KREMEN1: variants seen among roughly 807,000 people sequenced by gnomAD.
The protein encoded by KREMEN1 is kringle containing transmembrane protein 1.
KREMEN1 carries 30 observed loss-of-function variants against 46.5 expected under a neutral mutation model. The observed-to-expected ratio is 0.65, with a 90% CI of 0.48 to 0.88. KREMEN1 has a LOEUF of 0.88. Ranked by LOEUF, KREMEN1 falls within the 40% of genes least tolerant of loss-of-function variation. The pLI is 0.00. For synonymous variants in KREMEN1, 214 were observed against 230.6 expected (o/e 0.93, Z 0.65); for missense variants, 533 against 596.9 (o/e 0.89, Z 1.11).
intron 9 of KREMEN1, among the ~76,000 whole-genome samples, chr22:29,163,256 G>C (rs904688593): frequency 4.6e-5 from 7 of 152,172 alleles, no homozygotes; most frequent in African/African-American, 1.4e-4. Flanking sequence ...GGAGGTGTCT[G>C]CTTCTCCTTT....
intron 6 of KREMEN1, among the ~76,000 whole-genome samples, chr22:29,137,875 G>C (rs1377102602): frequency 6.6e-6 from 1 of 152,240 alleles, no homozygotes; most frequent in Non-Finnish European, 1.5e-5. Flanking sequence ...AGACAGAAAA[G>C]AGGTGAAAAC....
intron 1 of KREMEN1, among the ~76,000 whole-genome samples, chr22:29,080,948 T>C (rs899619334): frequency 6.6e-6 from 1 of 150,658 alleles, no homozygotes; most frequent in Non-Finnish European, 1.5e-5. Context: ...GTCCTTTTTT[T>C]TTTTTTTTTT....
chr22:29,149,537 C>G (rs2038899648), downstream of KREMEN1, among the ~76,000 whole-genome samples: 1 of 152,188 alleles, frequency 6.6e-6, no homozygotes, highest in South Asian at 2.1e-4. Context: ...CCTAGAGGCT[C>G]TTTCCTTCCA....
At chr22:29,109,944 GA>G (rs954288207) in intron 3 of KREMEN1, among the ~76,000 whole-genome samples, 1 of 151,058 alleles carries the variant, frequency 6.6e-6, no homozygotes, top group Non-Finnish European at 1.5e-5. Context: ...TGGTGTCCCT[GA>G]AAAAAAAAGT....
At chr22:29,116,419 G>A (rs2038240785) in intron 3 of KREMEN1, among the ~76,000 whole-genome samples, 1 of 152,192 alleles carries the variant, frequency 6.6e-6, no homozygotes, top group Non-Finnish European at 1.5e-5. Context: ...TTAGGCCACT[G>A]ATGTTCAAAT....
chr22:29,140,369 G>T lies in KREMEN1; in HGVS notation c.1208+3G>T, dbSNP rs772891214. 59 of 1,607,244 alleles carry T rather than the reference G, an allele frequency of 3.7e-5. No individual in the cohort carries two copies. The highest frequency in any genetic ancestry group is 4.9e-5 in the Non-Finnish European group (58 of 1,173,894). On this transcript the variant is annotated splice_donor_region_variant and intron_variant, in intron 8 of 8. Transcript: ENST00000400335. ...ATACTTCTGCACGTCACATTCAAGTGAGTACAAGAGGGAGCTGCCCAATTC... is the reference window on the plus strand; with the variant it reads ...ATACTTCTGCACGTCACATTCAAGTTAGTACAAGAGGGAGCTGCCCAATTC...
At chr22:29,135,758 G>A (rs1846506464) in intron 5 of KREMEN1, among the ~76,000 whole-genome samples, 2 of 152,116 alleles carry the variant, frequency 1.3e-5, no homozygotes, top group Non-Finnish European at 2.9e-5. Context: ...TTACTTCTCT[G>A]GCGGTCACCT....
chr22:29,098,935 G>A lies in KREMEN1; in HGVS notation c.334G>A (p.Glu112Lys), dbSNP rs2037929086. 1 of 1,613,046 alleles carries A rather than the reference G, an allele frequency of 6.2e-7. No individual in the cohort carries two copies. Among genetic ancestry groups the A allele is most frequent in the Non-Finnish European group, 8.5e-7 (1 of 1,179,074 alleles). The change falls in exon 3 of 9, where the codon GAG (glutamate) becomes AAG (lysine). Residue 112 changes from glutamate to lysine, a missense_variant. By Grantham distance (56) the Glu-to-Lys change is moderately conservative. Coordinates refer to ENST00000400335, the MANE Select transcript of KREMEN1 (RefSeq NM_001039570.3). ...HEDGVYWKYC[E>K]IPACQMPGNL... is the part of the protein sequence containing the mutation. ...GGATGGTGTCTACTGGAAGTACTGT[G>A]AGATACCTGCTTGCCAGAGTAAGAC...
In KREMEN1 at chr22:29,097,947, C is replaced by T. The variant is rs1439347332; in HGVS notation, c.261-915C>T. Among the ~76,000 whole-genome samples the T allele has an allele frequency of 2.0e-5, 3 of 152,046 alleles. No homozygotes were observed. In the South Asian group the frequency reaches 6.2e-4, roughly 31 times the overall value. ...CTGTAGTCTCAGCACTTTGCGGGGC[C>T]GAGATGGGCAGATCACTTGAGGTCA... is the stretch of plus-strand genomic sequence containing the variant. On this transcript the variant is annotated intron_variant, in intron 2 of 8. Transcript: ENST00000400335.
Position 29,073,676 on chromosome 22 carries a change from C to G in KREMEN1, c.97+449C>G, listed in dbSNP as rs768309929. Among the ~76,000 whole-genome samples, 10 of 151,022 alleles carry G rather than the reference C, an allele frequency of 6.6e-5. No homozygotes were observed. Among genetic ancestry groups the G allele is most frequent in the Non-Finnish European group, 1.2e-4 (8 of 67,568 alleles). On this transcript the variant is annotated intron_variant, in intron 1 of 8. Transcript: ENST00000400335. The surrounding 1 kb of genome is among the most constrained non-coding windows in gnomAD (Gnocchi z 4.4). ...CAAGTCCCCAGCGACTTCCCCCGGG[C>G]CGGGACGTCCTCTGCTCCCCGGTAC... is the stretch of plus-strand genomic sequence containing the variant.
At chr22:29,125,223 C>A in intron 4 of KREMEN1, 40 bp from the exon 5 acceptor site, 2 of 1,605,238 alleles carry the variant, frequency 1.2e-6, no homozygotes, top group Non-Finnish European at 1.7e-6. Flanking sequence ...TCTGACATCC[C>A]TGATGATGCT....
intron 3 of KREMEN1, among the ~76,000 whole-genome samples, chr22:29,113,470 T>A (rs144309642): frequency 1.3e-5 from 2 of 152,384 alleles, no homozygotes; most frequent in African/African-American, 4.8e-5. Flanking sequence ...GTGTGGTGAA[T>A]GATGAAAGCC....
chr22:29,101,493 T>C (rs536499804), intron 3 of KREMEN1, among the ~76,000 whole-genome samples: 2 of 152,352 alleles, frequency 1.3e-5, no homozygotes, highest in South Asian at 4.1e-4. Flanking sequence ...TACAGTAATG[T>C]ATGGTAATGT....
chr22:29,115,300 G>A (rs2145800227), intron 3 of KREMEN1, among the ~76,000 whole-genome samples: 1 of 152,296 alleles, frequency 6.6e-6, no homozygotes, highest in East Asian at 1.9e-4. Context: ...GTGGGAACGG[G>A]GTGAGGGATA....
At chr22:29,152,908 G>T (rs9625722) in intron 9 of KREMEN1, among the ~76,000 whole-genome samples, 1 of 152,132 alleles carries the variant, frequency 6.6e-6, no homozygotes, top group Admixed American at 6.5e-5. Context: ...ATAAAGGAGG[G>T]CTACTCCATA....
At chr22:29,123,385 A>G (rs1415694327) in intron 4 of KREMEN1, among the ~76,000 whole-genome samples, 2 of 152,172 alleles carry the variant, frequency 1.3e-5, no homozygotes, top group Non-Finnish European at 2.9e-5. Context: ...AGTTAAAAAA[A>G]CTGAACAAAG....
At chr22:29,165,800 T>C (rs2039048447) in intron 9 of KREMEN1, among the ~76,000 whole-genome samples, 3 of 152,120 alleles carry the variant, frequency 2.0e-5, no homozygotes, top group African/African-American at 4.8e-5. Context: ...CGGCAAGACA[T>C]TGTGTTTCTC....
In KREMEN1 at chr22:29,127,091, A is replaced by G. The variant is rs56825533; in HGVS notation, c.631+1675A>G. 2.1e-3 allele frequency among the ~76,000 whole-genome samples: 324 copies of G among 152,310 alleles called. 4 individuals are homozygous for G. Among genetic ancestry groups the G allele is most frequent in the African/African-American group, 7.3e-3 (304 of 41,566 alleles). On this transcript the variant is annotated intron_variant, in intron 5 of 8. Transcript: ENST00000400335. ...AATGCCTGGTATACTCTTAAGTGAA[A>G]AAACAAAGGAAATGTTTCTTGAGTA... is the stretch of plus-strand genomic sequence containing the variant.
intron 1 of KREMEN1, among the ~76,000 whole-genome samples, chr22:29,088,204 G>C (rs2037756334): frequency 6.6e-6 from 1 of 152,086 alleles, no homozygotes; most frequent in Admixed American, 6.5e-5. Context: ...ACTTTAAACA[G>C]AATTGTAGTA....
Sources: gnomAD v4.1 joint callset for allele counts (sites outside exome capture counted in the v4.1 genomes callset) on GRCh38, gnomAD v4.1.1 for gene constraint, Gnocchi (gnomAD v3.1) non-coding constraint, MANE v1.5 for transcripts, NCBI Gene and HGNC (gene_info 2026-07-23, HGNC 2026-07-21) for gene names.